SND1: variants seen among roughly 807,000 people sequenced by gnomAD.
The protein encoded by SND1 is staphylococcal nuclease domain-containing protein 1.
SND1 carries 38 observed loss-of-function variants against 121.7 expected under a neutral mutation model. That is an observed-to-expected ratio of 0.31 (90% confidence interval 0.24 to 0.41). The LOEUF (loss-of-function observed/expected upper bound fraction) is 0.41. Among genes scored for constraint, SND1 ranks in the 10% least tolerant of loss-of-function variants. The pLI, the probability that SND1 is intolerant of heterozygous loss-of-function variation, is 1.00. For synonymous variants in SND1, 401 were observed against 447.4 expected (o/e 0.90, Z 1.31); for missense variants, 868 against 1,184.6 (o/e 0.73, Z 3.92).
rs1455641781 is a variant in SND1 at position 127,654,159 on chromosome 7, G to C, written c.78+1708G>C. 2.6e-5 allele frequency among the ~76,000 whole-genome samples: 4 copies of C among 152,126 alleles called. No homozygotes were observed. The East Asian group carries it at 7.7e-4, about 29-fold the overall frequency. ...CATAGTTTTGTTTCCGCCAATGCTG[G>C]AGGCTTTTAGGGCATCTGGATTCTG... On this transcript the variant is annotated intron_variant, in intron 1 of 23. Transcript: ENST00000354725.
intron 17 of SND1, among the ~76,000 whole-genome samples, 174 bp from the exon 18 acceptor site, chr7:128,081,186 T>G (rs1468826019): frequency 6.6e-6 from 1 of 152,056 alleles, no homozygotes; most frequent in Non-Finnish European, 1.5e-5. Context: ...TTAGTAGAGA[T>G]AGAGTTTCAC....
chr7:127,872,436 T>C (rs1400998425), intron 12 of SND1, among the ~76,000 whole-genome samples: 1 of 152,190 alleles, frequency 6.6e-6, no homozygotes, highest in East Asian at 1.9e-4. Context: ...CTTCTTTCTT[T>C]TGTTGGTATG....
At chr7:127,994,528 C>A (rs1802591766) in intron 16 of SND1, among the ~76,000 whole-genome samples, 2 of 100,274 alleles carry the variant, frequency 2.0e-5, no homozygotes, top group Admixed American at 1.4e-4. Flanking sequence ...AAATAACTCT[C>A]AAATGACGAT....
intron 11 of SND1, among the ~76,000 whole-genome samples, chr7:127,833,836 C>G (rs769702743): frequency 6.6e-6 from 1 of 152,196 alleles, no homozygotes; most frequent in Non-Finnish European, 1.5e-5. Context: ...TCCTCTTGCA[C>G]AATCGAAACT....
intron 12 of SND1, among the ~76,000 whole-genome samples, chr7:127,861,455 G>C (rs1434839633): frequency 2.0e-5 from 3 of 152,032 alleles, no homozygotes; most frequent in Non-Finnish European, 4.4e-5. Context: ...CGTCTACCTG[G>C]TGTCATTCAT....
chr7:127,952,583 G>T (rs1442029051), intron 15 of SND1, among the ~76,000 whole-genome samples: 1 of 150,046 alleles, frequency 6.7e-6, no homozygotes, highest in Non-Finnish European at 1.5e-5. Flanking sequence ...TTCCTCAGTA[G>T]ATCCGTTAGC....
intron 16 of SND1, among the ~76,000 whole-genome samples, chr7:128,004,531 T>C (rs1277637228): frequency 2.0e-5 from 3 of 152,252 alleles, no homozygotes; most frequent in African/African-American, 7.2e-5. Context: ...TCCTTTTCTC[T>C]ATGCCATGAA....
intron 15 of SND1, among the ~76,000 whole-genome samples, chr7:127,959,201 G>A (rs906621063): frequency 6.6e-6 from 1 of 152,140 alleles, no homozygotes; most frequent in Admixed American, 6.5e-5. Context: ...GTGAGGAAAC[G>A]GGATAAACAA....
intron 1 of SND1, among the ~76,000 whole-genome samples, chr7:127,675,633 G>A (rs1430110990): frequency 6.6e-6 from 1 of 152,070 alleles, no homozygotes; most frequent in Non-Finnish European, 1.5e-5. Flanking sequence ...ACCTTTAATA[G>A]CCTGAGTACT....
At chr7:127,758,470 C>T (rs1797239347) in intron 10 of SND1, among the ~76,000 whole-genome samples, 1 of 151,436 alleles carries the variant, frequency 6.6e-6, no homozygotes, top group African/African-American at 2.4e-5. Context: ...TGTGAATTGC[C>T]TCTGTTTAGT....
At chr7:127,887,052 G>T (rs1799922892) in intron 12 of SND1, among the ~76,000 whole-genome samples, 1 of 151,804 alleles carries the variant, frequency 6.6e-6, no homozygotes, top group Non-Finnish European at 1.5e-5. Context: ...TACCCATGCT[G>T]CAGTGTAGTG....
intron 10 of SND1, among the ~76,000 whole-genome samples, chr7:127,751,551 G>A (rs1797096997): frequency 6.6e-6 from 1 of 152,062 alleles, no homozygotes; most frequent in Admixed American, 6.6e-5. Context: ...AAAAAAGGAA[G>A]TTGGCTAGAG....
chr7:127,699,957 T>G (rs779363607), intron 4 of SND1, among the ~76,000 whole-genome samples: 1 of 152,242 alleles, frequency 6.6e-6, no homozygotes, highest in African/African-American at 2.4e-5. Context: ...TGGTCCTTTC[T>G]GACTGCAAGG....
chr7:127,992,469 A>G lies in SND1; in HGVS notation c.1779+1413A>G, dbSNP rs189540504. Among the ~76,000 whole-genome samples, 10 of 152,350 alleles carry G rather than the reference A, an allele frequency of 6.6e-5. No homozygotes were observed. The East Asian group carries it at 9.6e-4, about 15-fold the overall frequency. On this transcript the variant is annotated intron_variant, in intron 16 of 23. Coordinates refer to ENST00000354725, the MANE Select transcript of SND1 (RefSeq NM_014390.4). ...TTGGATAATGAACTGCAAAGTAACT[A>G]TGTTGGTAAAAGCAGGTGAGTCTGT...
At chr7:127,769,376 C>T (rs184776129) in intron 10 of SND1, among the ~76,000 whole-genome samples, 12 of 152,262 alleles carry the variant, frequency 7.9e-5, no homozygotes, top group Non-Finnish European at 1.3e-4. Context: ...AGGATGTAAA[C>T]ATGTTTGCCA....
chr7:127,913,281 A>G (rs913975849), intron 14 of SND1, among the ~76,000 whole-genome samples: 3 of 152,158 alleles, frequency 2.0e-5, no homozygotes, highest in African/African-American at 7.2e-5. Flanking sequence ...AAATTTTTCT[A>G]GTTTCCTTCT....
intron 1 of SND1, among the ~76,000 whole-genome samples, chr7:127,673,033 T>C (rs1163515693): frequency 6.6e-6 from 1 of 151,742 alleles, no homozygotes; most frequent in African/African-American, 2.4e-5. Context: ...ATAAGTATCT[T>C]ATATAATAAG....
intron 1 of SND1, among the ~76,000 whole-genome samples, chr7:127,670,970 T>C (rs1795505620): frequency 6.6e-6 from 1 of 152,254 alleles, no homozygotes; most frequent in Admixed American, 6.5e-5. Context: ...TGAAAGCGTC[T>C]ACCATTTTAT....
chr7:127,806,315 G>C (rs185583276), intron 10 of SND1, among the ~76,000 whole-genome samples: 2 of 151,740 alleles, frequency 1.3e-5, no homozygotes, highest in Admixed American at 1.3e-4. Flanking sequence ...ATCATCTCTC[G>C]GGCTCCTGTC....
Sources: gnomAD v4.1 joint callset for allele counts (sites outside exome capture counted in the v4.1 genomes callset) on GRCh38, gnomAD v4.1.1 for gene constraint, MANE v1.5 for transcripts, NCBI Gene and HGNC (gene_info 2026-07-23, HGNC 2026-07-21) for gene names.